Variants in STS observed in about 807,000 individuals in gnomAD.
The protein encoded by STS is steroid sulfatase.
A neutral mutation model predicts 26.8 loss-of-function variants in STS; 7 were observed. The observed-to-expected ratio is 0.26, with a 90% confidence interval of 0.15 to 0.49. The LOEUF (loss-of-function observed/expected upper bound fraction) is 0.49. Among genes scored for constraint, STS ranks in the 20% least tolerant of loss-of-function variants. STS has a pLI of 0.98. For synonymous variants in STS, 199 were observed against 189.4 expected (o/e 1.05, Z -0.42); for missense variants, 434 against 465.6 (o/e 0.93, Z 0.63).
intron 1 of STS, among the ~76,000 whole-genome samples, chrX:7,158,927 G>A (rs186463763): frequency 9.0e-6 from 1 of 111,305 alleles, no homozygotes; most frequent in Non-Finnish European, 1.9e-5. Context: ...AATCCGAGTC[G>A]TATTTATTCA....
chrX:7,240,493 A>ATGTGTGTGTG (rs374194610), intron 2 of STS, among the ~76,000 whole-genome samples: 3 of 72,692 alleles, frequency 4.1e-5, no homozygotes, highest in African/African-American at 1.7e-4. Flanking sequence ...ACAGATATGT[A>ATGTGTGTGTG]TGTGTGTGTG....
chrX:7,233,084 T>C (rs966443066), intron 2 of STS, among the ~76,000 whole-genome samples: 1 of 86,115 alleles, frequency 1.2e-5, no homozygotes, highest in African/African-American at 4.0e-5. Flanking sequence ...CAGATATTTC[T>C]TTTTTTCTTT....
intron 8 of STS, among the ~76,000 whole-genome samples, chrX:7,314,720 T>G (rs1390339440): frequency 1.8e-5 from 2 of 112,558 alleles, no homozygotes; most frequent in Non-Finnish European, 3.8e-5. Context: ...GATCCCGTAA[T>G]GGGAGGCTTG....
At chrX:7,178,922 C>T (rs1413666100) in intron 1 of STS, among the ~76,000 whole-genome samples, 1 of 106,476 alleles carries the variant, frequency 9.4e-6, no homozygotes, top group Non-Finnish European at 1.9e-5. Context: ...AAAGTGGTAA[C>T]TCGCTTTCTC....
intron 2 of STS, among the ~76,000 whole-genome samples, chrX:7,192,115 A>G (rs1049870517): frequency 1.8e-5 from 2 of 111,941 alleles, no homozygotes; most frequent in Non-Finnish European, 3.8e-5. Flanking sequence ...GGGCAGGAAG[A>G]TACTTTTGGA....
intron 2 of STS, chrX:7,219,613 A>G: frequency 2.5e-6 from 3 of 1,210,662 alleles, no homozygotes; most frequent in Non-Finnish European, 3.4e-6. Context: ...GAGGATGAAC[A>G]AGTGAAGTTG....
chrX:7,280,948 C>G, intron 7 of STS, among the ~76,000 whole-genome samples: 1 of 112,419 alleles, frequency 8.9e-6, no homozygotes, highest in Non-Finnish European at 1.9e-5. Flanking sequence ...GGTGGATCAC[C>G]TAAGGTTATC....
intron 2 of STS, among the ~76,000 whole-genome samples, chrX:7,241,996 A>G (rs375556538): frequency 2.2e-4 from 25 of 111,331 alleles, no homozygotes; most frequent in Middle Eastern, 4.6e-3. Context: ...TCTCTCCACA[A>G]TGGCCACTTA....
At chrX:7,165,906 T>C (rs1406422211) in intron 1 of STS, among the ~76,000 whole-genome samples, 4 of 111,725 alleles carry the variant, frequency 3.6e-5, no homozygotes, top group African/African-American at 1.3e-4. Flanking sequence ...ACCACTGGTC[T>C]AGGCTAGTGC....
intron 1 of STS, among the ~76,000 whole-genome samples, chrX:7,163,056 C>CAAA (rs60006129): frequency 1.3e-5 from 1 of 74,931 alleles, no homozygotes. Context: ...GACTCCGTCT[C>CAAA]AAAAAAAAAA....
intron 6 of STS, among the ~76,000 whole-genome samples, chrX:7,261,322 A>T (rs1248154065): frequency 4.5e-5 from 5 of 111,823 alleles, no homozygotes; most frequent in African/African-American, 1.6e-4. Context: ...ATTGCATGAC[A>T]CAAAATTGTA....
At chrX:7,256,644 C>T (rs1263476010) in intron 3 of STS, among the ~76,000 whole-genome samples, 2 of 111,496 alleles carry the variant, frequency 1.8e-5, no homozygotes, top group Non-Finnish European at 3.8e-5. Context: ...AGTGAAGCCT[C>T]ATCCTCATTC....
intron 6 of STS, among the ~76,000 whole-genome samples, chrX:7,275,154 G>A (rs1337834799): frequency 9.1e-6 from 1 of 110,363 alleles, no homozygotes; most frequent in Non-Finnish European, 1.9e-5. Context: ...GGAGTGGATG[G>A]GGAATGGGGA....
At chrX:7,257,650 C>A in intron 5 of STS, 62 bp downstream of exon 5, 2 of 1,181,286 alleles carry the variant, frequency 1.7e-6, no homozygotes, top group Non-Finnish European at 2.3e-6. Context: ...AGGACTTGGA[C>A]AAAGTTAGCA....
At chrX:7,218,212 G>A (rs1921390155) in intron 2 of STS, among the ~76,000 whole-genome samples, 1 of 112,317 alleles carries the variant, frequency 8.9e-6, no homozygotes, top group Non-Finnish European at 1.9e-5. Context: ...AGAAAGCAGG[G>A]TATTAGCGCA....
Position 7,325,357 on chromosome X carries a change from G to A in STS, c.1100G>A (p.Trp367Ter). 1 of 1,211,315 alleles carries A rather than the reference G, an allele frequency of 8.3e-7. No individual in the cohort carries two copies. The highest frequency in any genetic ancestry group is 1.1e-6 in the Non-Finnish European group (1 of 895,281). The change falls in exon 9 of 11, where the codon TGG (tryptophan) becomes TAG (stop). Residue 367 changes from tryptophan to a stop codon, truncating the protein, a stop_gained. Coordinates refer to ENST00000674429, the MANE Select transcript of STS (RefSeq NM_001320752.2). LOFTEE classifies it high-confidence loss of function. ...GIYKGGKANN[W>*]EGGIRVPGIL... ...CTTTTAGGAGGAAAAGCAAACAACT[G>A]GGAAGGAGGTATCCGGGTTCCAGGC...
chrX:7,187,082 C>A (rs1461359509), intron 1 of STS, among the ~76,000 whole-genome samples: 1 of 111,929 alleles, frequency 8.9e-6, no homozygotes, highest in Non-Finnish European at 1.9e-5. Context: ...CAGAGACAGA[C>A]TTTGCTAAGT....
intron 2 of STS, among the ~76,000 whole-genome samples, chrX:7,207,175 G>A (rs775003014): frequency 8.9e-6 from 1 of 111,746 alleles, no homozygotes; most frequent in Non-Finnish European, 1.9e-5. Context: ...GGGCAACTGA[G>A]TGGCACCCTG....
chrX:7,331,766 A>G (rs1344158657), intron 9 of STS, among the ~76,000 whole-genome samples: 3 of 110,407 alleles, frequency 2.7e-5, no homozygotes, highest in Non-Finnish European at 5.7e-5. Context: ...TCCATTTTTC[A>G]TGGCAGAAAT....
Sources: gnomAD v4.1 joint callset for allele counts (sites outside exome capture counted in the v4.1 genomes callset) on GRCh38, gnomAD v4.1.1 for gene constraint, MANE v1.5 for transcripts, NCBI Gene and HGNC (gene_info 2026-07-23, HGNC 2026-07-21) for gene names.